SRBD1: variants seen among roughly 807,000 people sequenced by gnomAD.
SRBD1 encodes S1 RNA binding domain 1.
A neutral mutation model predicts 115.3 loss-of-function variants in SRBD1; 88 were observed. That is an observed-to-expected ratio of 0.76 (90% CI 0.64 to 0.91). The LOEUF is 0.91. Ranked by LOEUF, SRBD1 falls within the 40% of genes least tolerant of loss-of-function variation. SRBD1 has a pLI of 0.00. For missense variants in SRBD1, 1,385 were observed against 1,177.4 expected (o/e 1.18, Z -2.58); for synonymous variants, 509 against 407.7 (o/e 1.25, Z -2.99).
chr2:45,562,481 C>CT (rs1294487206), intron 10 of SRBD1, among the ~76,000 whole-genome samples, 172 bp downstream of exon 10: 1 of 152,216 alleles, frequency 6.6e-6, no homozygotes, highest in Non-Finnish European at 1.5e-5. Flanking sequence ...ATCCACCCCC[C>CT]TCAGCCTCCG....
intron 16 of SRBD1, among the ~76,000 whole-genome samples, chr2:45,425,336 T>C (rs1191036320): frequency 6.6e-6 from 1 of 152,186 alleles, no homozygotes; most frequent in Non-Finnish European, 1.5e-5. Context: ...CATGTACATA[T>C]GACTTTATGC....
intron 16 of SRBD1, among the ~76,000 whole-genome samples, chr2:45,425,653 A>C (rs1668129694): frequency 6.6e-6 from 1 of 152,098 alleles, no homozygotes; most frequent in Non-Finnish European, 1.5e-5. Context: ...CAGTGGGTAC[A>C]GCCCACGGAG....
At chr2:45,477,137 CTTACA>C (rs1669827991) in intron 15 of SRBD1, 62 bp from the exon 16 acceptor site, 2 of 1,354,694 alleles carry the variant, frequency 1.5e-6, no homozygotes, top group African/African-American at 2.9e-5. Context: ...CTAATAATTA[CTTACA>C]TTAGTTTCTC....
intron 14 of SRBD1, among the ~76,000 whole-genome samples, chr2:45,539,039 T>C (rs1164018378): frequency 6.6e-6 from 1 of 152,194 alleles, no homozygotes; most frequent in Non-Finnish European, 1.5e-5. Context: ...TAAATTTAGA[T>C]GATTGAAAAG....
chr2:45,553,723 G>C lies in SRBD1; in HGVS notation c.1417C>G (p.Pro473Ala). Residue 473 changes from proline to alanine, a missense_variant, in exon 11 of 21, where the codon CCA becomes GCA. By Grantham distance (27) the Pro-to-Ala change is conservative. Transcript: ENST00000263736. Reference protein sequence around the residue: ...CRWCIQNRWRPRSFARPELMK... With the variant: ...CRWCIQNRWRARSFARPELMK... ...AACTCTGGCCTTGCAAAGCTACGTG[G>C]TCTCCACCTGCAAAACAGAAAAGCC... is the stretch of plus-strand genomic sequence containing the variant. The C allele has an allele frequency of 6.3e-7, 1 of 1,576,238 alleles. No individual in the cohort carries two copies. The highest frequency in any genetic ancestry group is 1.2e-5 in the South Asian group (1 of 84,338).
intron 14 of SRBD1, among the ~76,000 whole-genome samples, chr2:45,496,953 C>A (rs186598435): frequency 5.8e-4 from 88 of 152,252 alleles, no homozygotes; most frequent in African/African-American, 2.1e-3. Flanking sequence ...TACAGATCAG[C>A]CTCTTTTCTA....
At chr2:45,602,672 C>A (rs1674136229) in intron 2 of SRBD1, among the ~76,000 whole-genome samples, 1 of 152,126 alleles carries the variant, frequency 6.6e-6, no homozygotes. Flanking sequence ...ACTTTTCTAA[C>A]AACGAAGAAT....
intron 10 of SRBD1, among the ~76,000 whole-genome samples, chr2:45,561,068 G>C (rs1026590686): frequency 1.1e-4 from 16 of 152,080 alleles, no homozygotes; most frequent in African/African-American, 3.6e-4. Context: ...GATAGCACCT[G>C]TGTGCTCCAG....
chr2:45,421,240 G>A (rs1017573794), intron 16 of SRBD1, among the ~76,000 whole-genome samples: 5 of 152,030 alleles, frequency 3.3e-5, no homozygotes, highest in Non-Finnish European at 5.9e-5. Flanking sequence ...AGGCGTGGTG[G>A]CTCACGCCTG....
intron 19 of SRBD1, among the ~76,000 whole-genome samples, chr2:45,395,953 C>T (rs6728283): frequency 0.082 from 12,459 of 152,092 alleles, 671 homozygotes; most frequent in African/African-American, 0.14. Context: ...GTAAGTAATA[C>T]TCAATACAAA....
intron 6 of SRBD1, among the ~76,000 whole-genome samples, 199 bp from the exon 7 acceptor site, chr2:45,580,212 A>C (rs562029900): frequency 7.2e-5 from 11 of 152,272 alleles, no homozygotes; most frequent in African/African-American, 2.4e-4. Flanking sequence ...CTTATTCTTT[A>C]TATTTTTCTA....
At chr2:45,485,093 T>C (rs530306407) in intron 15 of SRBD1, among the ~76,000 whole-genome samples, 1 of 152,334 alleles carries the variant, frequency 6.6e-6, no homozygotes, top group South Asian at 2.1e-4. Flanking sequence ...TCTGGAGACA[T>C]GCCTAGGAGT....
chr2:45,573,236 A>G lies in SRBD1; in HGVS notation c.1276T>C (p.Cys426Arg), dbSNP rs1673075677. The change falls in exon 9 of 21, where the codon TGC (cysteine) becomes CGC (arginine). Residue 426 changes from cysteine (C) to arginine (R), a missense_variant. Physicochemically the swap from Cys to Arg is radical, Grantham distance 180 (BLOSUM62 -3). Coordinates refer to ENST00000263736, the MANE Select transcript of SRBD1 (RefSeq NM_018079.5). ...TGATGGTGAATGTTTCTTATGTTGC[A>G]GGAAAAATGCTGGTAGAGCAGAAAC... The part of the protein sequence containing the change: ...DKFLLYQHFS[C>R]NIRNIHHHQI... 2 of 1,610,176 alleles carry G rather than the reference A, an allele frequency of 1.2e-6. No homozygotes were observed. Among genetic ancestry groups the G allele is most frequent in the African/African-American group, 1.3e-5 (1 of 74,822 alleles).
At chr2:45,430,394 T>C (rs1572632376) in intron 16 of SRBD1, among the ~76,000 whole-genome samples, 1 of 152,298 alleles carries the variant, frequency 6.6e-6, no homozygotes, top group Admixed American at 6.5e-5. Context: ...CTTCAAACTA[T>C]ACTACAAGAC....
chr2:45,478,956 C>T (rs572844494), intron 15 of SRBD1, among the ~76,000 whole-genome samples: 1 of 152,206 alleles, frequency 6.6e-6, no homozygotes, highest in South Asian at 2.1e-4. Flanking sequence ...CATGGGCACA[C>T]TTCTGGTCAC....
chr2:45,529,631 G>A (rs1037167189), intron 14 of SRBD1, among the ~76,000 whole-genome samples: 8 of 151,822 alleles, frequency 5.3e-5, no homozygotes, highest in Non-Finnish European at 1.2e-4. Context: ...CCATCTAAAA[G>A]CAGTATTTCC....
chr2:45,462,986 T>C (rs932532473), intron 16 of SRBD1, among the ~76,000 whole-genome samples: 2 of 141,746 alleles, frequency 1.4e-5, no homozygotes, highest in African/African-American at 5.2e-5. Context: ...TTTTCTTACA[T>C]GGTAATGATA....
chr2:45,445,227 G>C (rs183304878), intron 16 of SRBD1, among the ~76,000 whole-genome samples: 3 of 152,178 alleles, frequency 2.0e-5, no homozygotes, highest in Admixed American at 2.0e-4. Flanking sequence ...AAAAGATTCT[G>C]GCTTAAGACT....
chr2:45,439,398 T>TATATATATATGC (rs1668594616), intron 16 of SRBD1, among the ~76,000 whole-genome samples: 1 of 94,330 alleles, frequency 1.1e-5, no homozygotes, highest in South Asian at 3.1e-4. Flanking sequence ...GATGAATGCA[T>TATATATATATGC]ATATATATAT....
Sources: allele counts gnomAD v4.1 joint callset (sites outside exome capture counted in the v4.1 genomes callset), GRCh38; gene constraint gnomAD v4.1.1; transcripts MANE v1.5; gene names NCBI Gene and HGNC (gene_info 2026-07-23, HGNC 2026-07-21).